The following LDLRAD4 variants were observed in gnomAD, a reference collection of about 807,000 sequenced individuals.
The protein encoded by LDLRAD4 is low-density lipoprotein receptor class A domain-containing protein 4.
In LDLRAD4, 5 loss-of-function variants were observed where a neutral mutation model predicts 17.0. That is an observed-to-expected ratio of 0.29 (90% confidence interval 0.15 to 0.62). LDLRAD4 has a LOEUF of 0.62. Ranked by LOEUF, LDLRAD4 falls within the 20% of genes least tolerant of loss-of-function variation. The pLI is 0.84. For missense variants in LDLRAD4, 340 were observed against 424.7 expected (o/e 0.80, Z 1.75); for synonymous variants, 168 against 171.8 (o/e 0.98, Z 0.17).
chr18:13,425,927 C>T (rs2089894786), intron 2 of LDLRAD4: 1 of 152,536 alleles, frequency 6.6e-6, no homozygotes, highest in South Asian at 2.1e-4. Flanking sequence ...GAGGGTGATT[C>T]ATACCTGTGA....
intron 3 of LDLRAD4, chr18:13,543,562 A>G (rs774406673): frequency 6.6e-6 from 1 of 152,240 alleles, no homozygotes; most frequent in Non-Finnish European, 1.5e-5. Flanking sequence ...ACTGGAGAGA[A>G]TTTACATGAT....
chr18:13,609,676 TAAG>T (rs1443083207), intron 3 of LDLRAD4, among the ~76,000 whole-genome samples: 7 of 152,188 alleles, frequency 4.6e-5, no homozygotes, highest in Admixed American at 1.3e-4. Flanking sequence ...GGAGCTTAAT[TAAG>T]ATCGGCTCCA....
rs369616736 is a variant in LDLRAD4, at chr18:13,554,024, G to A, written c.182-67093G>A. ...TGTTTTATTTCTTCTAATTATTCTA[G>A]TCACATAGCATTTAATCACATGATC... On this transcript the variant is annotated intron_variant, in intron 3 of 5. Coordinates refer to ENST00000359446, the Ensembl canonical transcript of LDLRAD4. Among the ~76,000 whole-genome samples, 7 of 152,138 alleles carry A rather than the reference G, an allele frequency of 4.6e-5. No individual in the cohort carries two copies. In the East Asian group the frequency reaches 1.2e-3, roughly 25 times the overall value.
At chr18:13,522,379 A>AT (rs1362932532) in intron 3 of LDLRAD4, 2 of 151,496 alleles carry the variant, frequency 1.3e-5, no homozygotes, top group Admixed American at 6.6e-5. Context: ...TTTGTGTAGC[A>AT]TTGCACTGTA....
intron 1 of LDLRAD4, among the ~76,000 whole-genome samples, chr18:13,358,247 G>A (rs149322263): frequency 6.6e-6 from 1 of 152,258 alleles, no homozygotes; most frequent in East Asian, 1.9e-4. Context: ...GACAGAGCCA[G>A]GGATGTATGT....
intron 1 of LDLRAD4, among the ~76,000 whole-genome samples, chr18:13,323,561 A>G (rs1477829246): frequency 2.0e-5 from 3 of 151,112 alleles, no homozygotes; most frequent in Non-Finnish European, 4.4e-5. Context: ...GGAGGCGCCA[A>G]ACTCCAAACA....
At chr18:13,262,044 A>G (rs1487240936) in intron 1 of LDLRAD4, among the ~76,000 whole-genome samples, 11 of 105,338 alleles carry the variant, frequency 1.0e-4, no homozygotes, top group South Asian at 3.2e-4. Flanking sequence ...CTGTGCATGG[A>G]AACTGAGTCC....
intron 3 of LDLRAD4, among the ~76,000 whole-genome samples, chr18:13,483,570 C>A (rs764294049): frequency 6.6e-6 from 1 of 152,210 alleles, no homozygotes; most frequent in Non-Finnish European, 1.5e-5. Context: ...GGGGCTGAGG[C>A]ATGTGGGTGC....
chr18:13,348,899 A>G (rs564986473), intron 1 of LDLRAD4, among the ~76,000 whole-genome samples: 1 of 152,134 alleles, frequency 6.6e-6, no homozygotes, highest in African/African-American at 2.4e-5. Flanking sequence ...TCCTGGTGTG[A>G]TGTTTGCTAA....
chr18:13,400,132 T>C (rs943856759), intron 2 of LDLRAD4, among the ~76,000 whole-genome samples: 24 of 152,220 alleles, frequency 1.6e-4, no homozygotes, highest in Non-Finnish European at 1.3e-4. Context: ...GCTAGGTGCT[T>C]GGAAATGACA....
rs1285548542 is a variant in LDLRAD4 at position 13,440,177 on chromosome 18, C to A, written c.181+1793C>A. Among the ~76,000 whole-genome samples the A allele has an allele frequency of 3.9e-5, 6 of 152,144 alleles. No individual in the cohort carries two copies. The highest frequency in any genetic ancestry group is 1.4e-4 in the African/African-American group (6 of 41,438). ...TGGAGCCCCGGCCTCTGCTCTGGGG[C>A]GCTCCACAGGCCTCTTCTGGTCTGC... On this transcript the variant is annotated intron_variant, in intron 3 of 5. Coordinates refer to ENST00000359446, the Ensembl canonical transcript of LDLRAD4. This position sits in a 1 kb window ranked among gnomAD's most constrained non-coding sequence, Gnocchi z 4.4.
chr18:13,408,058 G>C (rs1298883216), intron 2 of LDLRAD4, among the ~76,000 whole-genome samples: 2 of 152,030 alleles, frequency 1.3e-5, no homozygotes, highest in Non-Finnish European at 2.9e-5. Context: ...TACAATTACT[G>C]TCACCTTATA....
intron 3 of LDLRAD4, among the ~76,000 whole-genome samples, chr18:13,593,056 G>A (rs958315239): frequency 1.3e-5 from 2 of 152,104 alleles, no homozygotes; most frequent in Non-Finnish European, 2.9e-5. Context: ...AGTGGCTCAC[G>A]CCTGTAAGCA....
intron 1 of LDLRAD4, among the ~76,000 whole-genome samples, chr18:13,243,358 A>C (rs1213900244): frequency 1.3e-5 from 2 of 152,004 alleles, no homozygotes; most frequent in Non-Finnish European, 2.9e-5. Context: ...AATGAGACAA[A>C]ATGTGGGAAC....
intron 1 of LDLRAD4, among the ~76,000 whole-genome samples, chr18:13,278,898 A>G (rs1315375370): frequency 6.6e-6 from 1 of 152,254 alleles, no homozygotes; most frequent in African/African-American, 2.4e-5. Context: ...CTCTTGGAGC[A>G]TAACCCAGCC....
At chr18:13,644,646 T>C (rs2149005665) in intron 5 of LDLRAD4, among the ~76,000 whole-genome samples, 1 of 151,836 alleles carries the variant, frequency 6.6e-6, no homozygotes, top group Middle Eastern at 3.4e-3. Flanking sequence ...GAACCATAGG[T>C]TCTAAGTTCT....
At position 13,556,538 on chromosome 18, in the gene LDLRAD4, G is replaced by T. The variant is rs141592810; in HGVS notation, c.182-64579G>T. 2.8e-3 allele frequency among the ~76,000 whole-genome samples: 428 copies of T among 152,312 alleles called. 1 individual carries two copies. The highest frequency in any genetic ancestry group is 9.6e-3 in the African/African-American group (398 of 41,558). On this transcript the variant is annotated intron_variant, in intron 3 of 5. Transcript: ENST00000359446. ...TTTATAAAGAAAAATCATGAGCCCA[G>T]ATCAAATAACCACATAGACCAAGGA...
chr18:13,321,603 C>T (rs902156017), intron 1 of LDLRAD4, among the ~76,000 whole-genome samples: 13 of 152,220 alleles, frequency 8.5e-5, no homozygotes, highest in Admixed American at 3.9e-4. Context: ...TGGTGACTCA[C>T]GCCTGTAATC....
At chr18:13,524,609 C>T (rs1018115160) in intron 3 of LDLRAD4, among the ~76,000 whole-genome samples, 3 of 152,210 alleles carry the variant, frequency 2.0e-5, no homozygotes, top group Non-Finnish European at 4.4e-5. Flanking sequence ...TCAGTGGCTT[C>T]AAACAATAAC....
Sources: gnomAD v4.1 joint callset for allele counts (sites outside exome capture counted in the v4.1 genomes callset) on GRCh38, gnomAD v4.1.1 for gene constraint, Gnocchi (gnomAD v3.1) non-coding constraint, MANE v1.5 for transcripts, NCBI Gene and HGNC (gene_info 2026-07-23, HGNC 2026-07-21) for gene names.